Variants in ABCA4 observed in about 807,000 individuals in gnomAD.
The protein encoded by ABCA4 is ATP binding cassette subfamily A member 4, also known as retinal-specific phospholipid-transporting ATPase ABCA4.
ABCA4 carries 196 observed loss-of-function variants against 263.7 expected under a neutral mutation model. The ratio of observed to expected loss-of-function variants is 0.74; its 90% CI spans 0.66 to 0.84. The LOEUF (loss-of-function observed/expected upper bound fraction) is 0.84. ABCA4 is among the 40% of genes least tolerant of loss of function. The probability of loss-of-function intolerance (pLI) is 0.00; values close to 1 mark genes in which losing one functional copy is unlikely to be tolerated. For missense variants in ABCA4, 2,792 were observed against 2,855.1 expected (o/e 0.98, Z 0.50); for synonymous variants, 1,133 against 1,094.2 (o/e 1.04, Z -0.70).
rs192919842 is a variant in ABCA4 at position 94,054,674 on chromosome 1, G to A, written c.2587+437C>T. Among the ~76,000 whole-genome samples the A allele has an allele frequency of 6.4e-3, 979 of 152,282 alleles. 7 individuals are homozygous for A. The highest frequency in any genetic ancestry group is 0.011 in the Non-Finnish European group (778 of 68,022). On this transcript the variant is annotated intron_variant, in intron 16 of 49. Transcript: ENST00000370225. ...GGAACATGGAGGAGTAGGGAAAATC[G>A]TAAGATGAAGAAGAGAGTTGGAGGC...
chr1:94,095,026 G>C (rs549680858), intron 6 of ABCA4, among the ~76,000 whole-genome samples: 1 of 152,336 alleles, frequency 6.6e-6, no homozygotes, highest in South Asian at 2.1e-4. Flanking sequence ...TTTCCTTGGA[G>C]AAAATCCAGT....
At chr1:94,108,361 G>GA (rs930060792) in intron 4 of ABCA4, among the ~76,000 whole-genome samples, 2 of 152,182 alleles carry the variant, frequency 1.3e-5, no homozygotes, top group African/African-American at 4.8e-5. Context: ...TAACGTGGAT[G>GA]AGACCTTTCC....
rs115634078 is a variant in ABCA4 at position 93,994,759 on chromosome 1, T to C, written c.6816+1350A>G. ...GTGAACAAAAATGTAAAAAACACAA[T>C]AGAAAAATGATCTCATCCAATAAGG... On this transcript the variant is annotated intron_variant, in intron 49 of 49. Coordinates refer to ENST00000370225, the MANE Select transcript of ABCA4 (RefSeq NM_000350.3). Among the ~76,000 whole-genome samples, 959 of 152,196 alleles carry C rather than the reference T, an allele frequency of 6.3e-3. 12 individuals carry two copies. Among genetic ancestry groups the C allele is most frequent in the African/African-American group, 0.022 (906 of 41,524 alleles).
At chr1:94,019,464 C>T in intron 36 of ABCA4, 118 bp downstream of exon 36, 5 of 1,229,670 alleles carry the variant, frequency 4.1e-6, no homozygotes, top group Non-Finnish European at 5.7e-6. Context: ...GGCCCAGTGC[C>T]TTTCAGCAGC....
chr1:94,104,319 G>T (rs1198754646), intron 4 of ABCA4, among the ~76,000 whole-genome samples: 1 of 152,186 alleles, frequency 6.6e-6, no homozygotes, highest in African/African-American at 2.4e-5. Context: ...TGCTTCAGGG[G>T]CATGGGTGAC....
At chr1:94,072,870 C>A (rs1321356243) in intron 11 of ABCA4, among the ~76,000 whole-genome samples, 1 of 152,144 alleles carries the variant, frequency 6.6e-6, no homozygotes, top group Non-Finnish European at 1.5e-5. Flanking sequence ...AGAGGAAAGA[C>A]AGAATGTATT....
At chr1:94,010,557 T>C (rs1352184921) in intron 40 of ABCA4, 3 of 634,874 alleles carry the variant, frequency 4.7e-6, no homozygotes, top group Non-Finnish European at 8.5e-6. Context: ...GGATTAAATA[T>C]CAGCAATTGA....
rs375981482 is a variant in ABCA4 at position 94,095,776 on chromosome 1, G to C, written c.768+3018C>G. ...TTTTTTTTTTTTTTTGTAAATTTTT[G>C]TTTTTAGTGTAATCCATTTGTCAAA... is the stretch of plus-strand genomic sequence containing the variant. On this transcript the variant is annotated intron_variant, in intron 6 of 49. Transcript: ENST00000370225. Among the ~76,000 whole-genome samples the C allele has an allele frequency of 3.9e-3, 387 of 99,060 alleles. 2 individuals are homozygous for C. Among genetic ancestry groups the C allele is most frequent in the Middle Eastern group, 0.029 (4 of 138 alleles). The allele number at this position is 99,060 out of a possible 152,430, so 65.0% of individuals were successfully genotyped here.
intron 11 of ABCA4, among the ~76,000 whole-genome samples, chr1:94,076,474 G>T (rs1250556104): frequency 6.6e-6 from 1 of 152,080 alleles, no homozygotes; most frequent in Admixed American, 6.5e-5. Context: ...TTTCTTTTTG[G>T]TTAAGCAAAA....
intron 3 of ABCA4, among the ~76,000 whole-genome samples, chr1:94,109,258 A>G (rs1026209418): frequency 3.3e-5 from 5 of 152,168 alleles, no homozygotes; most frequent in African/African-American, 1.2e-4. Flanking sequence ...TCTCGGTCCC[A>G]TGCTCTGTGT....
chr1:94,030,677 G>A (rs947179375), intron 28 of ABCA4, 151 bp from the exon 29 acceptor site: 5 of 839,432 alleles, frequency 6.0e-6, no homozygotes, highest in African/African-American at 1.7e-5. Flanking sequence ...CTGGGAGTGC[G>A]GTAGGCTGCC....
At chr1:94,090,009 G>A (rs976782190) in intron 6 of ABCA4, among the ~76,000 whole-genome samples, 1 of 152,178 alleles carries the variant, frequency 6.6e-6, no homozygotes, top group East Asian at 1.9e-4. Flanking sequence ...GCCCTCCCAT[G>A]GCAGGGGCAC....
intron 48 of ABCA4, 59 bp downstream of exon 48, chr1:93,997,802 C>T: frequency 1.2e-6 from 2 of 1,610,526 alleles, no homozygotes; most frequent in South Asian, 2.2e-5. Flanking sequence ...AATTCCAACC[C>T]ACACTGGGTG....
chr1:94,004,986 A>G (rs912066376), intron 44 of ABCA4, among the ~76,000 whole-genome samples: 2 of 152,174 alleles, frequency 1.3e-5, no homozygotes, highest in Non-Finnish European at 2.9e-5. Flanking sequence ...CAGTTTACTG[A>G]GACTTTTCTT....
chr1:94,051,720 C>A lies in ABCA4; in HGVS notation c.2588-22G>T, dbSNP rs764071468. On this transcript the variant is annotated intron_variant, in intron 16 of 49. Coordinates refer to ENST00000370225, the MANE Select transcript of ABCA4 (RefSeq NM_000350.3). The stretch of plus-strand genomic sequence containing the variant: ...TCTCCTAAAAATAGAGACAAATAAA[C>A]AGAGAAAGTCGAAGGAGTCTCCCTA... 9 of 1,591,660 alleles carry A rather than the reference C, an allele frequency of 5.7e-6. No individual in the cohort carries two copies. In the South Asian group the frequency reaches 6.6e-5, roughly 12 times the overall value.
At chr1:94,011,241 T>C in intron 39 of ABCA4, 21 bp downstream of exon 39, 1 of 1,613,858 alleles carries the variant, frequency 6.2e-7, no homozygotes, top group Non-Finnish European at 8.5e-7. Flanking sequence ...CCATGCTCCA[T>C]GGGCCTCGGC....
chr1:94,052,621 C>T (rs1243443371), intron 16 of ABCA4, among the ~76,000 whole-genome samples: 1 of 152,180 alleles, frequency 6.6e-6, no homozygotes, highest in Non-Finnish European at 1.5e-5. Context: ...AACTAATTTT[C>T]ATCTATTATA....
At chr1:94,119,960 C>T (rs1662902721) in intron 1 of ABCA4, among the ~76,000 whole-genome samples, 1 of 152,156 alleles carries the variant, frequency 6.6e-6, no homozygotes, top group Non-Finnish European at 1.5e-5. Context: ...TCCCAGGGTC[C>T]TAATCTCACC....
Position 94,029,587 on chromosome 1 carries a change from A to C in ABCA4, c.4397T>G (p.Val1466Gly), listed in dbSNP as rs1341069538. Reference protein sequence around the residue: ...GNSTPWKTPSVSPNITQLFQK... With the variant: ...GNSTPWKTPSGSPNITQLFQK... ...GAACAGCTGGGTGATGTTTGGGGACACAGAAGGAGTCTTCCAGGGTGTTGA... is the reference window on the plus strand; with the variant it reads ...GAACAGCTGGGTGATGTTTGGGGACCCAGAAGGAGTCTTCCAGGGTGTTGA... Residue 1466 changes from valine (V) to glycine (G), a missense_variant, in exon 30 of 50, where the codon GTG becomes GGG. Val to Gly is a moderately radical substitution (Grantham distance 109). Transcript: ENST00000370225. 3 of 1,613,952 alleles carry C rather than the reference A, an allele frequency of 1.9e-6. No individual in the cohort carries two copies. The highest frequency in any genetic ancestry group is 2.5e-6 in the Non-Finnish European group (3 of 1,179,970).
Sources: allele counts gnomAD v4.1 joint callset (sites outside exome capture counted in the v4.1 genomes callset), GRCh38; gene constraint gnomAD v4.1.1; transcripts MANE v1.5; gene names NCBI Gene and HGNC (gene_info 2026-07-23, HGNC 2026-07-21).